ARL6: variants seen among roughly 807,000 people sequenced by gnomAD.
The protein encoded by ARL6 is ARF like GTPase 6.
A neutral mutation model predicts 27.1 loss-of-function variants in ARL6; 18 were observed. The ratio of observed to expected loss-of-function variants is 0.66; its 90% CI spans 0.46 to 0.98. The LOEUF is 0.98. Ranked by LOEUF, ARL6 falls within the 50% of genes least tolerant of loss-of-function variation. ARL6 has a pLI of 0.00. For missense variants in ARL6, 187 were observed against 214.9 expected (o/e 0.87, Z 0.81); for synonymous variants, 65 against 72.3 (o/e 0.90, Z 0.51).
chr3:97,768,907 G>A (rs929947580), intron 2 of ARL6, among the ~76,000 whole-genome samples: 8 of 151,864 alleles, frequency 5.3e-5, no homozygotes, highest in African/African-American at 1.9e-4. Context: ...CACTTGAAAT[G>A]GGACTTCTTG....
intron 2 of ARL6, among the ~76,000 whole-genome samples, chr3:97,779,013 T>C (rs1324382544): frequency 1.3e-5 from 2 of 152,224 alleles, no homozygotes; most frequent in African/African-American, 2.4e-5. Flanking sequence ...GAATAGTTTT[T>C]CTGATGAAAG....
intron 4 of ARL6, among the ~76,000 whole-genome samples, chr3:97,784,463 T>A (rs978095711): frequency 8.0e-5 from 12 of 150,412 alleles, no homozygotes; most frequent in African/African-American, 2.9e-4. Context: ...ATAAAAGTAG[T>A]AGTAAAACCA....
chr3:97,799,922 G>T lies in ARL6; in HGVS notation c.*1873G>T, dbSNP rs1289116964. 1 of 152,060 alleles carries T rather than the reference G, an allele frequency of 6.6e-6. No homozygotes were observed. Among genetic ancestry groups the T allele is most frequent in the African/African-American group, 2.4e-5 (1 of 41,442 alleles). 9.4% of individuals were successfully genotyped at this position (152,060 alleles called of 1,614,324 possible). ...GAATAACAATTAAAATGATAGAAAA[G>T]GCTCTTACTTGGGACAGCAACCAGG... On this transcript the variant is annotated 3_prime_UTR_variant, in exon 8 of 8. Coordinates refer to ENST00000463745, the MANE Select transcript of ARL6 (RefSeq NM_001278293.3).
chr3:97,796,145 A>G (rs1357773636), intron 7 of ARL6, among the ~76,000 whole-genome samples: 1 of 152,212 alleles, frequency 6.6e-6, no homozygotes, highest in East Asian at 1.9e-4. Flanking sequence ...ATGGCAAAGG[A>G]TGACCAGGCA....
chr3:97,768,421 G>T (rs1295367574), intron 2 of ARL6, among the ~76,000 whole-genome samples, 191 bp downstream of exon 2: 1 of 151,928 alleles, frequency 6.6e-6, no homozygotes, highest in African/African-American at 2.4e-5. Context: ...TATTAAACTG[G>T]AATATTATTT....
intron 4 of ARL6, among the ~76,000 whole-genome samples, chr3:97,784,263 A>G (rs148207623): frequency 3.9e-5 from 6 of 151,992 alleles, no homozygotes; most frequent in African/African-American, 1.2e-4. Flanking sequence ...TATGTGATCC[A>G]TGGGTGAATC....
chr3:97,794,882 T>C lies in ARL6; in HGVS notation c.535+3056T>C, dbSNP rs151190191. On this transcript the variant is annotated intron_variant, in intron 7 of 7. Coordinates refer to ENST00000463745, the MANE Select transcript of ARL6 (RefSeq NM_001278293.3). ...GGACAGATCACTTGAGGACAGGAGT[T>C]CGATACCAGCCTAGCCAACTATAGT... 5.3e-3 allele frequency among the ~76,000 whole-genome samples: 801 copies of C among 152,138 alleles called. 5 individuals carry two copies. The highest frequency in any genetic ancestry group is 0.018 in the African/African-American group (761 of 41,514).
At chr3:97,776,130 C>G (rs1383781637) in intron 2 of ARL6, among the ~76,000 whole-genome samples, 2 of 152,192 alleles carry the variant, frequency 1.3e-5, no homozygotes, top group Non-Finnish European at 2.9e-5. Flanking sequence ...GTTGAAGGCA[C>G]ATATATTTAC....
At chr3:97,768,590 T>C (rs888308838) in intron 2 of ARL6, among the ~76,000 whole-genome samples, 2 of 152,088 alleles carry the variant, frequency 1.3e-5, no homozygotes, top group African/African-American at 4.8e-5. Context: ...TTTGAAAGTA[T>C]AGTATGCATA....
intron 5 of ARL6, among the ~76,000 whole-genome samples, chr3:97,785,707 CCA>C (rs2037426135): frequency 6.6e-6 from 1 of 151,930 alleles, no homozygotes; most frequent in Non-Finnish European, 1.5e-5. Context: ...TATGAATGTA[CCA>C]CAGTTTATTT....
At chr3:97,778,937 G>T (rs1322529712) in intron 2 of ARL6, among the ~76,000 whole-genome samples, 1 of 152,078 alleles carries the variant, frequency 6.6e-6, no homozygotes, top group African/African-American at 2.4e-5. Flanking sequence ...TAAAAAAAAG[G>T]GAGGAGTCAA....
At chr3:97,772,599 G>T (rs1341544141) in intron 2 of ARL6, among the ~76,000 whole-genome samples, 1 of 149,128 alleles carries the variant, frequency 6.7e-6, no homozygotes, top group South Asian at 2.1e-4. Flanking sequence ...TGCATCATTG[G>T]GTTATTTGAA....
chr3:97,775,715 T>C (rs2036865224), intron 2 of ARL6, among the ~76,000 whole-genome samples: 1 of 152,236 alleles, frequency 6.6e-6, no homozygotes, highest in African/African-American at 2.4e-5. Flanking sequence ...TTAGGAAGCA[T>C]GTTAATTTCC....
intron 2 of ARL6, among the ~76,000 whole-genome samples, chr3:97,769,732 T>C (rs2107986130): frequency 6.6e-6 from 1 of 152,168 alleles, no homozygotes; most frequent in East Asian, 1.9e-4. Context: ...ACCTACTCTA[T>C]GTCTCTATGA....
Position 97,787,973 on chromosome 3 carries a change from C to A in ARL6, c.350-17C>A. The A allele has an allele frequency of 6.2e-7, 1 of 1,612,646 alleles. No homozygotes were observed. The highest frequency in any genetic ancestry group is 8.5e-7 in the Non-Finnish European group (1 of 1,179,144). On this transcript the variant is annotated splice_polypyrimidine_tract_variant and intron_variant, in intron 5 of 7. Transcript: ENST00000463745. ...AAAAAGCTGGAAGTGTGATGATAAT[C>A]TTATTTTCTCTTTTAGATATTAAAC...
intron 7 of ARL6, among the ~76,000 whole-genome samples, chr3:97,795,780 G>T (rs1037705142): frequency 7.9e-5 from 12 of 152,178 alleles, no homozygotes; most frequent in African/African-American, 2.9e-4. Context: ...AAAATTGAAG[G>T]TTTATTCTCT....
At chr3:97,784,804 A>G in intron 4 of ARL6, 151 bp from the exon 5 acceptor site, 1 of 561,756 alleles carries the variant, frequency 1.8e-6, no homozygotes, top group Non-Finnish European at 3.2e-6. Context: ...TCAGTCATAT[A>G]AACTAATAAG....
At chr3:97,770,578 A>G (rs1337451731) in intron 2 of ARL6, among the ~76,000 whole-genome samples, 4 of 151,910 alleles carry the variant, frequency 2.6e-5, no homozygotes, top group African/African-American at 9.7e-5. Flanking sequence ...CTTTTGTTAC[A>G]TGTGCTTCTG....
At position 97,766,882 on chromosome 3, in the gene ARL6, T is replaced by C. The variant is rs528253967; in HGVS notation, c.-27-1199T>C. Among the ~76,000 whole-genome samples the C allele has an allele frequency of 2.4e-3, 358 of 152,178 alleles. 5 individuals are homozygous for C. The highest frequency in any genetic ancestry group is 7.8e-3 in the African/African-American group (325 of 41,532). On this transcript the variant is annotated intron_variant, in intron 1 of 7. Transcript: ENST00000463745. Reference sequence around the variant, plus strand: ...TATATTGTAGCAGTTCCTGCAGCAGTTGGGGGCTGGAAAAAGGGATCTATC... The same window carrying C: ...TATATTGTAGCAGTTCCTGCAGCAGCTGGGGGCTGGAAAAAGGGATCTATC...
Sources: allele counts gnomAD v4.1 joint callset (sites outside exome capture counted in the v4.1 genomes callset), GRCh38; gene constraint gnomAD v4.1.1; transcripts MANE v1.5; gene names NCBI Gene and HGNC (gene_info 2026-07-23, HGNC 2026-07-21).